Variants in PPP1R13L observed in about 807,000 individuals in gnomAD.
PPP1R13L encodes relA-associated inhibitor.
Under a neutral mutation model 80.9 loss-of-function variants are expected in PPP1R13L, and 50 were observed. The ratio of observed to expected loss-of-function variants is 0.62; its 90% CI spans 0.49 to 0.78. PPP1R13L has a LOEUF of 0.78. PPP1R13L is among the 30% of genes least tolerant of loss of function. The pLI, the probability that PPP1R13L is intolerant of heterozygous loss-of-function variation, is 0.00. For missense variants in PPP1R13L, 1,200 were observed against 1,205.9 expected (o/e 1.00, Z 0.07); for synonymous variants, 602 against 534.3 (o/e 1.13, Z -1.75).
Position 45,386,098 on chromosome 19 carries a change from TC to T in PPP1R13L, c.1897del (p.Asp633ThrfsTer4), listed in dbSNP as rs1259948506. ...ARLNPLVLLL[D>X]AALTGELEVV... ...CTCCAGCTCCCCGGTCAGCGCCGCG[TC>T]CAGGAGGAGCACCAGAGGGTTGAGG... On this transcript the variant is annotated frameshift_variant, in exon 9 of 13. Transcript: ENST00000360957. LOFTEE classifies it high-confidence loss of function. The T allele has an allele frequency of 6.3e-7, 1 of 1,578,132 alleles. No individual in the cohort carries two copies. The highest frequency in any genetic ancestry group is 1.1e-5 in the South Asian group (1 of 87,552).
intron 11 of PPP1R13L, among the ~76,000 whole-genome samples, chr19:45,383,659 A>G (rs567243100): frequency 6.6e-6 from 1 of 152,184 alleles, no homozygotes; most frequent in South Asian, 2.1e-4. Context: ...CTTTTGCCCT[A>G]CCCTGGCGCT....
chr19:45,381,659 G>C (rs34716818), intron 12 of PPP1R13L, among the ~76,000 whole-genome samples: 2,487 of 152,110 alleles, frequency 0.016, 73 homozygotes, highest in African/African-American at 0.057. Flanking sequence ...AGCCAGGTGC[G>C]GTGGCACATG....
chr19:45,396,607 G>C lies in PPP1R13L; in HGVS notation c.650C>G (p.Ala217Gly), dbSNP rs1973101047. The C allele has an allele frequency of 1.7e-5, 26 of 1,495,056 alleles. No individual in the cohort carries two copies. The highest frequency in any genetic ancestry group is 2.2e-5 in the Non-Finnish European group (25 of 1,131,406). 92.6% of individuals were successfully genotyped at this position (1,495,056 alleles called of 1,614,324 possible). A position where few individuals can be genotyped will look rare whatever the true frequency, so the allele number is the denominator to read the frequency against. Residue 217 changes from alanine to glycine, a missense_variant, in exon 4 of 13, where the codon GCC (alanine) becomes GGC (glycine). Physicochemically the swap from Ala to Gly is moderately conservative, Grantham distance 60 (BLOSUM62 0). Transcript: ENST00000360957. The surrounding 1 kb of genome is among the most constrained non-coding windows in gnomAD (Gnocchi z 5.3). ...PATAYDAPAS[A>G]FGSSLLGSGG... Reference sequence around the variant, plus strand: ...GGAGCCTAGCAGGGAGCTCCCGAAGGCGGACGCTGGCGCGTCGTAGGCTGT... The same window carrying C: ...GGAGCCTAGCAGGGAGCTCCCGAAGCCGGACGCTGGCGCGTCGTAGGCTGT...
In PPP1R13L at chr19:45,385,671, C is replaced by T. The variant is rs764356803; in HGVS notation, c.2139G>A (p.Val713=). Reference sequence around the variant, plus strand: ...TGGCGAAGATTGCAGCGCCGTGCTGCACCAGCGCCATGCAGATGACTGTGT... The same window carrying T: ...TGGCGAAGATTGCAGCGCCGTGCTGTACCAGCGCCATGCAGATGACTGTGT... ...CNDTVICMAL[V]QHGAAIFATT... The change falls in exon 11 of 13, where the codon GTG becomes GTA. Residue 713 remains valine, a synonymous_variant. Coordinates refer to ENST00000360957, the MANE Select transcript of PPP1R13L (RefSeq NM_006663.4). The T allele has an allele frequency of 4.3e-6, 7 of 1,613,086 alleles. No homozygotes were observed. The highest frequency in any genetic ancestry group is 3.3e-5 in the South Asian group (3 of 91,058).
intron 1 of PPP1R13L, 70 bp from the exon 2 acceptor site, chr19:45,398,409 C>T (rs1973160317): frequency 2.0e-6 from 3 of 1,471,126 alleles, no homozygotes; most frequent in South Asian, 2.4e-5. Flanking sequence ...GGGAGTCAGA[C>T]GCCGTCAGGA....
chr19:45,404,623 G>A lies in PPP1R13L; in HGVS notation c.-22+376C>T, dbSNP rs1210781220. ...GAGACAGCAGCTTGAGGCTGGCAGG[G>A]TGGTCACCCATTCCACCTTGAGCCC... is the stretch of plus-strand genomic sequence containing the variant. On this transcript the variant is annotated intron_variant, in intron 1 of 12. Coordinates refer to ENST00000360957, the MANE Select transcript of PPP1R13L (RefSeq NM_006663.4). Among the ~76,000 whole-genome samples, 5 of 152,270 alleles carry A rather than the reference G, an allele frequency of 3.3e-5. 1 individual carries two copies. The highest frequency in any genetic ancestry group is 6.8e-3 in the Middle Eastern group (2 of 294).
At chr19:45,381,535 A>G (rs1180264578) in intron 12 of PPP1R13L, among the ~76,000 whole-genome samples, 1 of 152,094 alleles carries the variant, frequency 6.6e-6, no homozygotes, top group Non-Finnish European at 1.5e-5. Context: ...CTCTCCACCA[A>G]TACAACCAGG....
At position 45,395,769 on chromosome 19, in the gene PPP1R13L, T is replaced by A. The variant is rs200967575; in HGVS notation, c.1021A>T (p.Thr341Ser). The change falls in exon 7 of 13, where the codon ACT becomes TCT. Residue 341 changes from threonine to serine, a missense_variant. By Grantham distance (58) the Thr-to-Ser change is moderately conservative. Coordinates refer to ENST00000360957, the MANE Select transcript of PPP1R13L (RefSeq NM_006663.4). The part of the protein sequence containing the change: ...RSLGSAGPSG[T>S]LPRSWQPVSR... ...ACGGGCTGCCAGCTGCGAGGCAAAG[T>A]GCCCGACGGCCCCGCGGAGCCCAGC... The A allele has an allele frequency of 1.3e-5, 20 of 1,549,198 alleles. No homozygotes were observed. The Admixed American group carries it at 1.9e-4, about 15-fold the overall frequency.
At position 45,385,553 on chromosome 19, in the gene PPP1R13L, G is replaced by C; in HGVS notation, c.2248+9C>G. 10 of 1,607,682 alleles carry C rather than the reference G, an allele frequency of 6.2e-6. No individual in the cohort carries two copies. The highest frequency in any genetic ancestry group is 8.5e-6 in the Non-Finnish European group (10 of 1,176,642). On this transcript the variant is annotated intron_variant, in intron 11 of 12. Coordinates refer to ENST00000360957, the MANE Select transcript of PPP1R13L (RefSeq NM_006663.4). ...CAGGTACCCAGGCGCCAGCAGCCCT[G>C]CCTCGCACCTGCCAGGTAGGTGGCG... is the stretch of plus-strand genomic sequence containing the variant.
rs745654169 is a variant in PPP1R13L, at chr19:45,379,726, G to T, written c.*464C>A. 14 of 159,560 alleles carry T rather than the reference G, an allele frequency of 8.8e-5. No homozygotes were observed. Among genetic ancestry groups the T allele is most frequent in the Admixed American group, 3.8e-4 (6 of 15,848 alleles). The allele number at this position is 159,560 out of a possible 1,614,324, so 9.9% of individuals were successfully genotyped here. A position where few individuals can be genotyped will look rare whatever the true frequency, so the allele number is the denominator to read the frequency against. ...CAGTGCTGTGTGAAGGCACTTAATT[G>T]GGGAGAGGTGGGGCAGGGATCCTGG... is the stretch of plus-strand genomic sequence containing the variant. On this transcript the variant is annotated 3_prime_UTR_variant, in exon 13 of 13. Coordinates refer to ENST00000360957, the MANE Select transcript of PPP1R13L (RefSeq NM_006663.4).
chr19:45,380,536 G>T (rs1972742021), intron 12 of PPP1R13L, among the ~76,000 whole-genome samples: 1 of 152,028 alleles, frequency 6.6e-6, no homozygotes, highest in South Asian at 2.1e-4. Flanking sequence ...CCTCTCTCAG[G>T]GCCGGGAGCA....
In PPP1R13L at chr19:45,396,945, TG is replaced by T; in HGVS notation, c.311del (p.Pro104GlnfsTer120). 1.4e-6 allele frequency: 2 copies of T among 1,435,390 alleles called. No individual in the cohort carries two copies. The highest frequency in any genetic ancestry group is 9.1e-7 in the Non-Finnish European group (1 of 1,096,602). The allele number at this position is 1,435,390 out of a possible 1,614,324, so 88.9% of individuals were successfully genotyped here. On this transcript the variant is annotated frameshift_variant, in exon 4 of 13. Coordinates refer to ENST00000360957, the MANE Select transcript of PPP1R13L (RefSeq NM_006663.4). LOFTEE classifies it high-confidence loss of function. This position sits in a 1 kb window ranked among gnomAD's most constrained non-coding sequence, Gnocchi z 5.3. ...ACAGCGGGCTGTAGGGGTGTAGGGT[TG>T]GGGCACTCTCTGATCGTCCGAACGG... ...DTPFGRSESA[P>X]TLHPYSPLSP... is the part of the protein sequence containing the mutation.
chr19:45,405,053 G>C lies in PPP1R13L; in HGVS notation c.-76C>G. The C allele has an allele frequency of 3.0e-6, 3 of 986,020 alleles. No individual in the cohort carries two copies. Among genetic ancestry groups the C allele is most frequent in the Non-Finnish European group, 2.4e-6 (2 of 830,076 alleles). The allele number at this position is 986,020 out of a possible 1,614,324, so 61.1% of individuals were successfully genotyped here. On this transcript the variant is annotated 5_prime_UTR_variant, in exon 1 of 13. Transcript: ENST00000360957. Reference sequence around the variant, plus strand: ...CTTCCTCCAGCTCGGGCTCCGGCTTGGGGAGCGGAGAACGGGGCGGGGCAG... The same window carrying C: ...CTTCCTCCAGCTCGGGCTCCGGCTTCGGGAGCGGAGAACGGGGCGGGGCAG...
chr19:45,384,084 C>CT (rs1180833642), intron 11 of PPP1R13L, among the ~76,000 whole-genome samples: 158 of 145,182 alleles, frequency 1.1e-3, no homozygotes, highest in East Asian at 1.6e-3. Context: ...CTTTTCTTTT[C>CT]TTTTTTTTTT....
chr19:45,390,351 G>A (rs1442794287), intron 8 of PPP1R13L, among the ~76,000 whole-genome samples: 2 of 152,086 alleles, frequency 1.3e-5, no homozygotes, highest in Admixed American at 6.6e-5. Flanking sequence ...ACAGAAGTAC[G>A]ATAAATAGCT....
rs1005945531 is a variant in PPP1R13L, at chr19:45,396,551, C to T, written c.706G>A (p.Ala236Thr). The change falls in exon 4 of 13, where the codon GCG becomes ACG. Residue 236 changes from alanine (A) to threonine (T), a missense_variant. Around this residue, in one of 5 missense-constraint regions of PPP1R13L, gnomAD observed 764 missense variants for 714.5 expected, o/e 1.07. Coordinates refer to ENST00000360957, the MANE Select transcript of PPP1R13L (RefSeq NM_006663.4). This position sits in a 1 kb window ranked among gnomAD's most constrained non-coding sequence, Gnocchi z 5.3. ...GGSAFAPPLR[A>T]QDDLTLRRRP... ...GAGGGGCCCCTGGGTTCACCTTGCGCGCGCAGAGGCGGGGCGAATGCGCTG... is the reference window on the plus strand; with the variant it reads ...GAGGGGCCCCTGGGTTCACCTTGCGTGCGCAGAGGCGGGGCGAATGCGCTG... 6.5e-7 allele frequency: 1 copy of T among 1,543,610 alleles called. No individual in the cohort carries two copies. The highest frequency in any genetic ancestry group is 1.2e-5 in the South Asian group (1 of 83,106).
intron 1 of PPP1R13L, 73 bp from the exon 2 acceptor site, chr19:45,398,412 C>A: frequency 1.4e-6 from 2 of 1,445,738 alleles, no homozygotes; most frequent in South Asian, 1.2e-5. Flanking sequence ...AGTCAGACGC[C>A]GTCAGGAGCG....
rs1294938928 is a variant in PPP1R13L at position 45,392,064 on chromosome 19, T to C, written c.1631A>G (p.Gln544Arg). The C allele has an allele frequency of 1.9e-6, 3 of 1,540,846 alleles. No homozygotes were observed. The highest frequency in any genetic ancestry group is 2.6e-6 in the Non-Finnish European group (3 of 1,145,754). Residue 544 changes from glutamine (Q) to arginine (R), a missense_variant, in exon 8 of 13, where the codon CAG becomes CGG. Around this residue, in one of 5 missense-constraint regions of PPP1R13L, gnomAD observed 53 missense variants for 96.5 expected, o/e 0.55. Coordinates refer to ENST00000360957, the MANE Select transcript of PPP1R13L (RefSeq NM_006663.4). ...ALPPTHKKQYQQIISRLFHRH... is the reference protein window; with the variant it reads ...ALPPTHKKQYRQIISRLFHRH... ...ATGGAAGAGGCGGCTGATGATCTGC[T>C]GGTACTGTTTCTTGTGGGTAGGGGG...
At position 45,396,369 on chromosome 19, in the gene PPP1R13L, C is replaced by A. The variant is rs775734535; in HGVS notation, c.780G>T (p.Glu260Asp). ...WNESDLDVAY[E>D]KKPSQTASYE... Reference sequence around the variant, plus strand: ...AGCTCGCTGTCTGCGAAGGCTTCTTCTCGTACGCCACGTCCAGGTCAGACT... The same window carrying A: ...AGCTCGCTGTCTGCGAAGGCTTCTTATCGTACGCCACGTCCAGGTCAGACT... The change falls in exon 5 of 13, where the codon GAG becomes GAT. Residue 260 changes from glutamate (E) to aspartate (D), a missense_variant. Glu to Asp is a conservative substitution (Grantham distance 45). Coordinates refer to ENST00000360957, the MANE Select transcript of PPP1R13L (RefSeq NM_006663.4). This position sits in a 1 kb window ranked among gnomAD's most constrained non-coding sequence, Gnocchi z 5.3. 2 of 1,614,170 alleles carry A rather than the reference C, an allele frequency of 1.2e-6. No homozygotes were observed. Among genetic ancestry groups the A allele is most frequent in the Admixed American group, 3.3e-5 (2 of 60,022 alleles).
Sources: gnomAD v4.1 joint callset for allele counts (sites outside exome capture counted in the v4.1 genomes callset) on GRCh38, gnomAD v4.1.1 for gene constraint, gnomAD v4.1.1 regional missense constraint, Gnocchi (gnomAD v3.1) non-coding constraint, MANE v1.5 for transcripts, NCBI Gene and HGNC (gene_info 2026-07-23, HGNC 2026-07-21) for gene names.